The following STXBP4 variants were observed in gnomAD, a reference collection of about 807,000 sequenced individuals.
STXBP4 encodes the protein syntaxin-binding protein 4.
Under a neutral mutation model 76.1 loss-of-function variants are expected in STXBP4, and 55 were observed. That is an observed-to-expected ratio of 0.72 (90% confidence interval 0.58 to 0.91). The LOEUF (loss-of-function observed/expected upper bound fraction) is 0.91, where lower values mean the gene tolerates loss of function less well. STXBP4 is among the 40% of genes least tolerant of loss of function. The probability of loss-of-function intolerance (pLI) is 0.00; values close to 1 mark genes in which losing one functional copy is unlikely to be tolerated. For synonymous variants in STXBP4, 201 were observed against 220.2 expected (o/e 0.91, Z 0.77); for missense variants, 618 against 636.9 (o/e 0.97, Z 0.32).
At chr17:55,057,969 G>A (rs1238578922) in intron 12 of STXBP4, among the ~76,000 whole-genome samples, 2 of 152,048 alleles carry the variant, frequency 1.3e-5, no homozygotes, top group African/African-American at 4.8e-5. Flanking sequence ...GGGCATTTGG[G>A]TTGGTTCCAA....
intron 16 of STXBP4, among the ~76,000 whole-genome samples, chr17:55,085,885 A>G (rs911981115): frequency 6.6e-6 from 1 of 152,146 alleles, no homozygotes; most frequent in African/African-American, 2.4e-5. Context: ...AAAAACTCCT[A>G]AGAGCTAATT....
At chr17:54,997,269 C>A (rs1189937479) in intron 4 of STXBP4, among the ~76,000 whole-genome samples, 1 of 152,030 alleles carries the variant, frequency 6.6e-6, no homozygotes, top group Non-Finnish European at 1.5e-5. Flanking sequence ...AAACTAACTG[C>A]TATGAATACT....
intron 6 of STXBP4, among the ~76,000 whole-genome samples, chr17:55,000,492 G>A (rs1345665931): frequency 6.6e-6 from 1 of 152,122 alleles, no homozygotes; most frequent in Non-Finnish European, 1.5e-5. Flanking sequence ...TTCAGTCTCT[G>A]GTACATGCTG....
chr17:55,147,142 G>C (rs1221303173), intron 17 of STXBP4, among the ~76,000 whole-genome samples: 2 of 152,188 alleles, frequency 1.3e-5, no homozygotes, highest in Non-Finnish European at 2.9e-5. Context: ...TCCATTACTT[G>C]CTTTGAATAT....
chr17:55,124,664 C>T (rs1050005451), intron 16 of STXBP4, among the ~76,000 whole-genome samples: 2 of 152,154 alleles, frequency 1.3e-5, no homozygotes, highest in East Asian at 3.8e-4. Flanking sequence ...TAACAGTGTG[C>T]AAAATTTGGA....
At chr17:55,084,831 A>G (rs1480392205) in intron 16 of STXBP4, among the ~76,000 whole-genome samples, 2 of 152,144 alleles carry the variant, frequency 1.3e-5, no homozygotes, top group Non-Finnish European at 2.9e-5. Context: ...GTTCTGTTCC[A>G]TTGATCTATA....
intron 17 of STXBP4, among the ~76,000 whole-genome samples, chr17:55,143,969 A>G (rs931926644): frequency 3.3e-5 from 5 of 151,740 alleles, no homozygotes; most frequent in African/African-American, 1.2e-4. Flanking sequence ...CAGAGCCAAG[A>G]TTCAGATCCA....
intron 16 of STXBP4, among the ~76,000 whole-genome samples, chr17:55,089,556 A>G (rs905541470): frequency 7.2e-5 from 11 of 152,180 alleles, no homozygotes; most frequent in African/African-American, 9.7e-5. Context: ...GGCATTTTTA[A>G]TCAGTATTGG....
intron 12 of STXBP4, among the ~76,000 whole-genome samples, chr17:55,071,385 C>G (rs536972821): frequency 2.2e-4 from 34 of 152,248 alleles, no homozygotes; most frequent in Non-Finnish European, 4.7e-4. Flanking sequence ...CTACTCCTAC[C>G]TCTACTACAC....
At chr17:55,052,118 G>A (rs2144782197) in intron 12 of STXBP4, among the ~76,000 whole-genome samples, 1 of 152,206 alleles carries the variant, frequency 6.6e-6, no homozygotes, top group Non-Finnish European at 1.5e-5. Flanking sequence ...ATAACAGTGA[G>A]CACATTACTA....
At position 55,043,284 on chromosome 17, in the gene STXBP4, T is replaced by C; in HGVS notation, c.904T>C (p.Cys302Arg). Residue 302 changes from cysteine to arginine, a missense_variant, in exon 11 of 18, where the codon TGT (cysteine) becomes CGT (arginine). Physicochemically the swap from Cys to Arg is radical, Grantham distance 180. Transcript: ENST00000376352. ...SEADEMERLK[C>R]ERDDALKEVN... ...AGCAGATGAAATGGAAAGGCTCAAGTGTGAAAGAGATGATGCCTTGAAAGA... is the reference window on the plus strand; with the variant it reads ...AGCAGATGAAATGGAAAGGCTCAAGCGTGAAAGAGATGATGCCTTGAAAGA... 1 of 1,544,352 alleles carries C rather than the reference T, an allele frequency of 6.5e-7. No individual in the cohort carries two copies. Among genetic ancestry groups the C allele is most frequent in the South Asian group, 1.3e-5 (1 of 76,464 alleles).
chr17:55,186,559 T>C, the STXBP4 span, among the ~76,000 whole-genome samples: 1 of 152,308 alleles, frequency 6.6e-6, no homozygotes, highest in Admixed American at 6.5e-5. Context: ...AAAGGATGTA[T>C]GATGGTTCAA....
chr17:55,084,383 C>G (rs892584979), intron 16 of STXBP4, among the ~76,000 whole-genome samples: 2 of 152,010 alleles, frequency 1.3e-5, no homozygotes, highest in African/African-American at 4.8e-5. Flanking sequence ...GGATATTAGC[C>G]CTTTGTCAGA....
chr17:55,109,251 C>CT (rs1430107415), intron 16 of STXBP4, among the ~76,000 whole-genome samples: 1 of 152,066 alleles, frequency 6.6e-6, no homozygotes, highest in Non-Finnish European at 1.5e-5. Flanking sequence ...AATAAACTCA[C>CT]TTTTTCAGAA....
intron 16 of STXBP4, among the ~76,000 whole-genome samples, chr17:55,097,141 A>G (rs2079497416): frequency 6.6e-6 from 1 of 150,480 alleles, no homozygotes; most frequent in Non-Finnish European, 1.5e-5. Context: ...ACACAGTGCT[A>G]TTTGTGTTTC....
At chr17:54,982,415 A>T (rs9890971) in intron 1 of STXBP4, among the ~76,000 whole-genome samples, 42,426 of 151,796 alleles carry the variant, frequency 0.28, 6,122 homozygotes, top group African/African-American at 0.35. Context: ...ATTCATCTTT[A>T]ACAACAAGAT....
At chr17:55,032,871 G>T (rs2078533721) in intron 9 of STXBP4, among the ~76,000 whole-genome samples, 1 of 152,076 alleles carries the variant, frequency 6.6e-6, no homozygotes, top group African/African-American at 2.4e-5. Flanking sequence ...AGATTGCCCT[G>T]TAGTGAAAGC....
the STXBP4 span, among the ~76,000 whole-genome samples, chr17:55,188,238 T>C: frequency 1.5e-3 from 221 of 152,358 alleles, 7 homozygotes; most frequent in South Asian, 0.045. Flanking sequence ...ACTGGATTAA[T>C]GAAGACCTGC....
intron 4 of STXBP4, among the ~76,000 whole-genome samples, chr17:54,993,848 A>G (rs2144432321): frequency 6.6e-6 from 1 of 152,334 alleles, no homozygotes; most frequent in South Asian, 2.1e-4. Flanking sequence ...GGCTATCTCA[A>G]GCTTATAGCT....
Sources: gnomAD v4.1 joint callset for allele counts (sites outside exome capture counted in the v4.1 genomes callset) on GRCh38, gnomAD v4.1.1 for gene constraint, MANE v1.5 for transcripts, NCBI Gene and HGNC (gene_info 2026-07-23, HGNC 2026-07-21) for gene names.